Variants in ING3 observed in about 807,000 individuals in gnomAD.
ING3 encodes the protein inhibitor of growth family member 3, also known as inhibitor of growth protein 3.
A neutral mutation model predicts 64.8 loss-of-function variants in ING3; 6 were observed. The observed-to-expected ratio is 0.09, with a 90% CI of 0.05 to 0.18. The LOEUF (loss-of-function observed/expected upper bound fraction) is 0.18. Ranked by LOEUF, ING3 falls within the 10% of genes least tolerant of loss-of-function variation. The pLI, the probability that ING3 is intolerant of heterozygous loss-of-function variation, is 1.00. For synonymous variants in ING3, 170 were observed against 173.7 expected (o/e 0.98, Z 0.17); for missense variants, 310 against 489.7 (o/e 0.63, Z 3.46).
At chr7:120,959,630 ATTTTTTTTTTTTTTT>A (rs397889009) in intron 4 of ING3, among the ~76,000 whole-genome samples, 5 of 55,702 alleles carry the variant, frequency 9.0e-5, no homozygotes, top group East Asian at 1.1e-3. Context: ...ACTTCCTCAC[ATTTTTTTTTTTTTTT>A]TTTTTTTTTT....
At position 120,965,391 on chromosome 7, in the gene ING3, C is replaced by T. The variant is rs936620096; in HGVS notation, c.364+553C>T. Among the ~76,000 whole-genome samples the T allele has an allele frequency of 1.7e-4, 26 of 152,246 alleles. No individual in the cohort carries two copies. In the East Asian group the frequency reaches 4.2e-3, roughly 25 times the overall value. On this transcript the variant is annotated intron_variant, in intron 5 of 11. Coordinates refer to ENST00000315870, the MANE Select transcript of ING3 (RefSeq NM_019071.3). ...CTATTTGATCTCCTGCTATAACTTA[C>T]CCCTGTCACTTCTTTGGTGTGACTT...
chr7:120,964,849 T>G lies in ING3; in HGVS notation c.364+11T>G. 6.2e-7 allele frequency: 1 copy of G among 1,601,068 alleles called. No homozygotes were observed. The highest frequency in any genetic ancestry group is 8.6e-7 in the Non-Finnish European group (1 of 1,168,670). On this transcript the variant is annotated intron_variant, in intron 5 of 11. Coordinates refer to ENST00000315870, the MANE Select transcript of ING3 (RefSeq NM_019071.3). Reference sequence around the variant, plus strand: ...AAATATTAGAGAGGCGTAAGTAAAATTTACAGTTTTCCATCAATATTGGAC... The same window carrying G: ...AAATATTAGAGAGGCGTAAGTAAAAGTTACAGTTTTCCATCAATATTGGAC...
chr7:120,963,653 C>G (rs73221223), intron 4 of ING3, among the ~76,000 whole-genome samples: 1 of 152,116 alleles, frequency 6.6e-6, no homozygotes, highest in Admixed American at 6.6e-5. Flanking sequence ...AAGATCAGAT[C>G]GAGGGCTAGA....
chr7:120,952,284 C>T (rs1016334311), intron 2 of ING3, among the ~76,000 whole-genome samples: 7 of 152,188 alleles, frequency 4.6e-5, no homozygotes, highest in African/African-American at 1.7e-4. Flanking sequence ...TACTAATTTA[C>T]TCATTGACTC....
intron 4 of ING3, chr7:120,956,578 A>G: frequency 6.0e-6 from 6 of 992,772 alleles, no homozygotes; most frequent in Non-Finnish European, 7.2e-6. Flanking sequence ...TAATGGTGCT[A>G]ACAACCTGGG....
rs1033413184 is a variant in ING3, at chr7:120,974,966, A to G, written c.*122A>G. Reference sequence around the variant, plus strand: ...CCAGGCAACCACTTAAAGGATTTACATAGACAATCCTATAAGATCTTGAAC... The same window carrying G: ...CCAGGCAACCACTTAAAGGATTTACGTAGACAATCCTATAAGATCTTGAAC... On this transcript the variant is annotated 3_prime_UTR_variant, in exon 12 of 12. Transcript: ENST00000315870. The G allele has an allele frequency of 3.2e-5, 19 of 597,962 alleles. No homozygotes were observed. The highest frequency in any genetic ancestry group is 2.8e-4 in the African/African-American group (15 of 53,240). 37.0% of individuals were successfully genotyped at this position (597,962 alleles called of 1,614,324 possible). A position where few individuals can be genotyped will look rare whatever the true frequency, so the allele number is the denominator to read the frequency against.
rs758342661 is a variant in ING3 at position 120,976,911 on chromosome 7, A to C, written c.*2067A>C. The C allele has an allele frequency of 6.6e-6, 1 of 152,228 alleles. No homozygotes were observed. The highest frequency in any genetic ancestry group is 1.5e-5 in the Non-Finnish European group (1 of 68,038). The allele number at this position is 152,228 out of a possible 1,614,324, so 9.4% of individuals were successfully genotyped here. A position where few individuals can be genotyped will look rare whatever the true frequency, so the allele number is the denominator to read the frequency against. Reference sequence around the variant, plus strand: ...ATTTAGTAATGGGTAGAACCTGTTAATATCTGAGTCATATATAATGGGGCC... The same window carrying C: ...ATTTAGTAATGGGTAGAACCTGTTACTATCTGAGTCATATATAATGGGGCC... On this transcript the variant is annotated 3_prime_UTR_variant, in exon 12 of 12. Coordinates refer to ENST00000315870, the MANE Select transcript of ING3 (RefSeq NM_019071.3).
At chr7:120,971,775 A>C (rs1746820744) in intron 10 of ING3, among the ~76,000 whole-genome samples, 1 of 152,172 alleles carries the variant, frequency 6.6e-6, no homozygotes, top group African/African-American at 2.4e-5. Context: ...TCCATTTTAT[A>C]CATCTAATTT....
chr7:120,970,757 T>A lies in ING3; in HGVS notation c.978T>A (p.Ser326=). 1.2e-6 allele frequency: 2 copies of A among 1,613,348 alleles called. No homozygotes were observed. Residue 326 remains serine (S), a synonymous_variant, in exon 10 of 12, where the codon TCT becomes TCA. Coordinates refer to ENST00000315870, the MANE Select transcript of ING3 (RefSeq NM_019071.3). ...CCTCTTCTTCCTTATCATCGTGTTC[T>A]TCATCATCAACTGTTGTACAAGAAA... ...SSSSSSLSSC[S]SSSTVVQEIS... is the part of the protein sequence containing the mutation.
chr7:120,956,145 A>C (rs560032140), intron 4 of ING3: 6 of 1,575,562 alleles, frequency 3.8e-6, no homozygotes, highest in Non-Finnish European at 5.2e-6. Context: ...TTTAAACAAG[A>C]TTCTTTTTTT....
chr7:120,958,233 C>T (rs1795880663), intron 4 of ING3, among the ~76,000 whole-genome samples: 2 of 151,070 alleles, frequency 1.3e-5, no homozygotes, highest in Non-Finnish European at 2.9e-5. Context: ...CTTTCTCCTT[C>T]CCTGCCTTTC....
rs975766430 is a variant in ING3, at chr7:120,950,843, A to T, written c.-54A>T. On this transcript the variant is annotated 5_prime_UTR_variant, in exon 1 of 12. Transcript: ENST00000315870. ...AGGGGACAAAACTCCGGCGACAGCG[A>T]GTGACACAAATAAACCCCTGGACCC... 5.7e-6 allele frequency: 9 copies of T among 1,571,470 alleles called. No homozygotes were observed. Among genetic ancestry groups the T allele is most frequent in the African/African-American group, 2.8e-5 (2 of 72,018 alleles).
At chr7:120,969,938 A>G (rs1796045068) in intron 9 of ING3, among the ~76,000 whole-genome samples, 1 of 152,212 alleles carries the variant, frequency 6.6e-6, no homozygotes, top group Admixed American at 6.5e-5. Flanking sequence ...AAATTAATTC[A>G]TCTTAATGGT....
chr7:120,955,490 T>C, intron 3 of ING3, 69 bp from the exon 4 acceptor site: 1 of 1,007,744 alleles, frequency 9.9e-7, no homozygotes, highest in Non-Finnish European at 1.5e-6. Context: ...GAAAATGCAG[T>C]TGTATGTCCT....
At chr7:120,954,960 T>G (rs926788010) in intron 3 of ING3, among the ~76,000 whole-genome samples, 2 of 152,336 alleles carry the variant, frequency 1.3e-5, no homozygotes, top group South Asian at 2.1e-4. Flanking sequence ...ACTTTTTATT[T>G]TAAATACTGT....
At chr7:120,964,880 A>T (rs373539216) in intron 5 of ING3, 42 bp downstream of exon 5, 8 of 1,483,252 alleles carry the variant, frequency 5.4e-6, no homozygotes, top group African/African-American at 4.2e-5. Context: ...TGGACAGTAC[A>T]TGTGCAAATC....
At chr7:120,953,214 T>G in intron 2 of ING3, 90 bp from the exon 3 acceptor site, 1 of 656,714 alleles carries the variant, frequency 1.5e-6, no homozygotes, top group Non-Finnish European at 2.6e-6. Flanking sequence ...GAGTGTGTAT[T>G]GTCAGATTTT....
intron 3 of ING3, among the ~76,000 whole-genome samples, chr7:120,953,609 A>G (rs1399703367): frequency 2.0e-5 from 3 of 152,214 alleles, no homozygotes; most frequent in Admixed American, 6.5e-5. Context: ...TATTGTTTCA[A>G]TAATTACTGA....
chr7:120,969,332 G>C (rs1272009893), intron 9 of ING3, 128 bp downstream of exon 9: 2 of 552,992 alleles, frequency 3.6e-6, no homozygotes, highest in Non-Finnish European at 5.8e-6. Flanking sequence ...GAGGTAGGGA[G>C]ACATGCGGTT....
Sources: gnomAD v4.1 joint callset for allele counts (sites outside exome capture counted in the v4.1 genomes callset) on GRCh38, gnomAD v4.1.1 for gene constraint, MANE v1.5 for transcripts, NCBI Gene and HGNC (gene_info 2026-07-23, HGNC 2026-07-21) for gene names.